The following VRK2 variants were observed in gnomAD, a reference collection of about 807,000 sequenced individuals.
VRK2 encodes serine/threonine-protein kinase VRK2.
In VRK2, 60 loss-of-function variants were observed where a neutral mutation model predicts 57.6. The observed-to-expected ratio is 1.04, with a 90% CI of 0.85 to 1.29. VRK2 has a LOEUF of 1.29. Among genes scored for constraint, VRK2 ranks in the 50% most tolerant of loss-of-function variants. The probability of loss-of-function intolerance (pLI) is 0.00; values close to 1 mark genes in which losing one functional copy is unlikely to be tolerated. For synonymous variants in VRK2, 231 were observed against 199.2 expected (o/e 1.16, Z -1.35); for missense variants, 705 against 588.1 (o/e 1.20, Z -2.06).
intron 2 of VRK2, among the ~76,000 whole-genome samples, chr2:58,067,542 A>G (rs755330333): frequency 2.0e-5 from 3 of 152,032 alleles, no homozygotes; most frequent in South Asian, 2.1e-4. Flanking sequence ...ATACAAGTTT[A>G]TAGATTTTAT....
chr2:58,101,772 T>A (rs1674002739), intron 7 of VRK2, among the ~76,000 whole-genome samples: 1 of 151,754 alleles, frequency 6.6e-6, no homozygotes, highest in African/African-American at 2.4e-5. Context: ...GTGAATGTGA[T>A]CTCTTTGATA....
intron 1 of VRK2, among the ~76,000 whole-genome samples, chr2:58,018,671 A>G (rs1673658319): frequency 6.6e-6 from 1 of 152,210 alleles, no homozygotes. Flanking sequence ...GAGAAATTAC[A>G]TCTAAACTTT....
chr2:57,951,980 C>T (rs1020615435), intron 1 of VRK2, among the ~76,000 whole-genome samples: 6 of 146,222 alleles, frequency 4.1e-5, no homozygotes, highest in African/African-American at 1.5e-4. Context: ...GCTGGTGTTG[C>T]ACTACTAGCC....
chr2:57,991,410 T>C (rs1672762182), intron 1 of VRK2, among the ~76,000 whole-genome samples: 1 of 151,472 alleles, frequency 6.6e-6, no homozygotes, highest in Non-Finnish European at 1.5e-5. Flanking sequence ...GTGGAGGCAC[T>C]GTCGTGAAGA....
chr2:58,046,732 A>G (rs1674794451), upstream of VRK2: 3 of 985,528 alleles, frequency 3.0e-6, no homozygotes, highest in Non-Finnish European at 2.4e-6. Flanking sequence ...GAGAGAAGTT[A>G]GGCAGGTCCT....
At chr2:58,019,636 A>G (rs1409197499) in intron 1 of VRK2, among the ~76,000 whole-genome samples, 1 of 152,202 alleles carries the variant, frequency 6.6e-6, no homozygotes, top group African/African-American at 2.4e-5. Context: ...CCTTTAAACA[A>G]GTGCTTTTTA....
At chr2:58,043,297 C>T (rs1674536807), upstream of VRK2, among the ~76,000 whole-genome samples, 1 of 152,074 alleles carries the variant, frequency 6.6e-6, no homozygotes, top group South Asian at 2.1e-4. Flanking sequence ...TCCTATCTTT[C>T]TCTTTTGCCA....
intron 1 of VRK2, among the ~76,000 whole-genome samples, chr2:57,910,374 A>C (rs541225162): frequency 6.6e-6 from 1 of 152,296 alleles, no homozygotes; most frequent in Non-Finnish European, 1.5e-5. Context: ...CACAACGCTC[A>C]GCTTTGAAAA....
chr2:58,104,882 A>G (rs1013853891), intron 7 of VRK2, among the ~76,000 whole-genome samples: 1 of 151,864 alleles, frequency 6.6e-6, no homozygotes, highest in Admixed American at 6.6e-5. Context: ...GTGGAACAGA[A>G]TAGAGAACCA....
At chr2:57,988,502 G>C (rs1218386721) in intron 1 of VRK2, among the ~76,000 whole-genome samples, 1 of 152,150 alleles carries the variant, frequency 6.6e-6, no homozygotes, top group African/African-American at 2.4e-5. Flanking sequence ...TGAATCAGTA[G>C]ACTAAGCATG....
At chr2:58,010,853 C>T (rs1265025174) in intron 1 of VRK2, among the ~76,000 whole-genome samples, 3 of 152,176 alleles carry the variant, frequency 2.0e-5, no homozygotes, top group Non-Finnish European at 4.4e-5. Flanking sequence ...TATATGTTTA[C>T]ATAAGGACAG....
intron 10 of VRK2, among the ~76,000 whole-genome samples, chr2:58,135,886 GTC>G (rs1558682792): frequency 6.6e-6 from 1 of 152,124 alleles, no homozygotes; most frequent in Non-Finnish European, 1.5e-5. Flanking sequence ...GAGTTAGACT[GTC>G]TTATACGAAA....
At chr2:58,109,437 A>C (rs1675234019) in intron 7 of VRK2, among the ~76,000 whole-genome samples, 1 of 152,026 alleles carries the variant, frequency 6.6e-6, no homozygotes, top group Non-Finnish European at 1.5e-5. Flanking sequence ...CTGCTATGAA[A>C]AAAAAAAAAA....
chr2:57,972,228 A>G (rs1672117560), intron 1 of VRK2, among the ~76,000 whole-genome samples: 1 of 123,678 alleles, frequency 8.1e-6, no homozygotes, highest in Non-Finnish European at 1.7e-5. Flanking sequence ...AGATAAATCT[A>G]TGAAACATGT....
intron 2 of VRK2, among the ~76,000 whole-genome samples, chr2:58,065,483 C>G (rs1398239393): frequency 6.6e-6 from 1 of 152,036 alleles, no homozygotes; most frequent in Admixed American, 6.6e-5. Context: ...AAGTAGTAGT[C>G]TGTTGTATGA....
chr2:57,931,384 C>G (rs1340640562), intron 1 of VRK2, among the ~76,000 whole-genome samples: 1 of 151,968 alleles, frequency 6.6e-6, no homozygotes, highest in African/African-American at 2.4e-5. Flanking sequence ...ATGTTGAGCC[C>G]CTTTTAATAC....
chr2:58,047,584 A>T, intron 1 of VRK2: 1 of 451,936 alleles, frequency 2.2e-6, no homozygotes, highest in South Asian at 9.3e-5. Flanking sequence ...TCAGTAGTTT[A>T]CACTTTGGAG....
At chr2:58,102,376 A>T (rs72951063) in intron 7 of VRK2, among the ~76,000 whole-genome samples, 3,176 of 151,392 alleles carry the variant, frequency 0.021, 127 homozygotes, top group African/African-American at 0.073. Flanking sequence ...TGGTAAAGAC[A>T]CTTATAGATT....
intron 2 of VRK2, among the ~76,000 whole-genome samples, chr2:58,082,071 A>C (rs914191905): frequency 9.2e-5 from 14 of 151,888 alleles, no homozygotes; most frequent in African/African-American, 3.4e-4. Flanking sequence ...TTGATTTTAG[A>C]CTTAGACCCT....
Sources: allele counts gnomAD v4.1 joint callset (sites outside exome capture counted in the v4.1 genomes callset), GRCh38; gene constraint gnomAD v4.1.1; transcripts MANE v1.5; gene names NCBI Gene and HGNC (gene_info 2026-07-23, HGNC 2026-07-21).